Variants in CYP2C19 observed in about 807,000 individuals in gnomAD.
CYP2C19 encodes the protein cytochrome P450 2C19.
CYP2C19 carries 59 observed loss-of-function variants against 40.9 expected under a neutral mutation model. That is an observed-to-expected ratio of 1.44 (90% CI 1.17 to 1.79). The LOEUF (loss-of-function observed/expected upper bound fraction) is 1.79. Among genes scored for constraint, CYP2C19 ranks in the 40% most tolerant of loss-of-function variants. CYP2C19 has a pLI of 0.00. For synonymous variants in CYP2C19, 253 were observed against 208.7 expected (o/e 1.21, Z -1.83); for missense variants, 754 against 596.9 (o/e 1.26, Z -2.74).
intron 5 of CYP2C19, among the ~76,000 whole-genome samples, chr10:94,813,928 A>G (rs1209995606): frequency 6.6e-6 from 1 of 150,768 alleles, no homozygotes; most frequent in Middle Eastern, 3.4e-3. Context: ...CTCTGAAGGG[A>G]ATCTTCTGGT....
At chr10:94,810,547 G>T (rs1848904944) in intron 5 of CYP2C19, among the ~76,000 whole-genome samples, 1 of 151,836 alleles carries the variant, frequency 6.6e-6, no homozygotes, top group Non-Finnish European at 1.5e-5. Flanking sequence ...GCTATTCCTT[G>T]CTGCCTCAAT....
At chr10:94,830,680 C>A (rs1345394356) in intron 6 of CYP2C19, among the ~76,000 whole-genome samples, 1 of 152,170 alleles carries the variant, frequency 6.6e-6, no homozygotes. Context: ...TTGCTCCTCC[C>A]CACATTTCAT....
chr10:94,812,560 G>T (rs1050647133), intron 5 of CYP2C19, among the ~76,000 whole-genome samples: 10 of 152,042 alleles, frequency 6.6e-5, no homozygotes, highest in Non-Finnish European at 7.4e-5. Context: ...TTTCTTGGAG[G>T]CTATGTTCAT....
intron 3 of CYP2C19, among the ~76,000 whole-genome samples, chr10:94,779,561 CTTTTCT>C (rs1445375221): frequency 6.8e-6 from 1 of 147,092 alleles, no homozygotes; most frequent in African/African-American, 2.5e-5. Flanking sequence ...TTTTTCTTTT[CTTTTCT>C]TTTTTTTTTT....
chr10:94,791,737 G>A (rs566700461), intron 5 of CYP2C19, among the ~76,000 whole-genome samples: 1 of 152,180 alleles, frequency 6.6e-6, no homozygotes, highest in Non-Finnish European at 1.5e-5. Flanking sequence ...GAGACAGTTT[G>A]TTATAATTTC....
Position 94,850,061 on chromosome 10 carries a change from A to G in CYP2C19, c.1291+3A>G. 1 of 1,613,248 alleles carries G rather than the reference A, an allele frequency of 6.2e-7. No individual in the cohort carries two copies. Among genetic ancestry groups the G allele is most frequent in the Non-Finnish European group, 8.5e-7 (1 of 1,179,406 alleles). ...CTACTTCATGCCTTTCTCAGCAGGTAATATAAATTTATTTCCCTTTGTGTT... is the reference window on the plus strand; with the variant it reads ...CTACTTCATGCCTTTCTCAGCAGGTGATATAAATTTATTTCCCTTTGTGTT... On this transcript the variant is annotated splice_donor_region_variant and intron_variant, in intron 8 of 8. Coordinates refer to ENST00000371321, the MANE Select transcript of CYP2C19 (RefSeq NM_000769.4).
chr10:94,822,928 G>GT (rs894444955), intron 6 of CYP2C19, among the ~76,000 whole-genome samples: 5 of 148,966 alleles, frequency 3.4e-5, no homozygotes, highest in African/African-American at 1.2e-4. Context: ...TTTTTTTTTT[G>GT]TTTTTTGCTT....
At chr10:94,804,181 G>A (rs1243597289) in intron 5 of CYP2C19, among the ~76,000 whole-genome samples, 3 of 152,106 alleles carry the variant, frequency 2.0e-5, no homozygotes, top group Non-Finnish European at 2.9e-5. Context: ...AAAGGCTGAG[G>A]CACCAAGCAA....
intron 5 of CYP2C19, among the ~76,000 whole-genome samples, chr10:94,811,788 G>T (rs1848928786): frequency 1.3e-5 from 2 of 151,800 alleles, no homozygotes; most frequent in South Asian, 4.2e-4. Context: ...CGTGAGATAG[G>T]TCTCCTGAAT....
At chr10:94,768,793 T>A (rs571271844) in intron 1 of CYP2C19, among the ~76,000 whole-genome samples, 1 of 152,120 alleles carries the variant, frequency 6.6e-6, no homozygotes, top group Non-Finnish European at 1.5e-5. Context: ...CCAAGAGGTA[T>A]CCCTGCTCTC....
intron 6 of CYP2C19, among the ~76,000 whole-genome samples, chr10:94,824,341 TATA>T (rs1387207425): frequency 2.6e-5 from 4 of 152,148 alleles, no homozygotes; most frequent in Admixed American, 2.0e-4. Flanking sequence ...AATTATTAAA[TATA>T]ATCTACAAAA....
rs946521504 is a variant in CYP2C19 at position 94,855,512 on chromosome 10, G to A, written c.*2598G>A. 1.3e-5 allele frequency among the ~76,000 whole-genome samples: 2 copies of A among 152,172 alleles called. No individual in the cohort carries two copies. Among genetic ancestry groups the A allele is most frequent in the African/African-American group, 4.8e-5 (2 of 41,436 alleles). On this transcript the variant is annotated 3_prime_UTR_variant, in exon 9 of 9. Coordinates refer to ENST00000371321, the MANE Select transcript of CYP2C19 (RefSeq NM_000769.4). ...ATGAATACCAGCCACCTGAAACACT[G>A]TTTAGAAGATACTGGCTCAATAAAT... is the stretch of plus-strand genomic sequence containing the variant.
chr10:94,827,931 C>A (rs1395628621), intron 6 of CYP2C19, among the ~76,000 whole-genome samples: 2 of 151,826 alleles, frequency 1.3e-5, no homozygotes, highest in East Asian at 3.9e-4. Flanking sequence ...ACCCAGTAGT[C>A]ATTCAGGAGC....
At chr10:94,777,957 A>G (rs1427700643) in intron 3 of CYP2C19, among the ~76,000 whole-genome samples, 1 of 151,370 alleles carries the variant, frequency 6.6e-6, no homozygotes, top group Non-Finnish European at 1.5e-5. Context: ...AGAAAAAAAG[A>G]AAACAACAAC....
At position 94,800,529 on chromosome 10, in the gene CYP2C19, A is replaced by G. The variant is rs118174575; in HGVS notation, c.819+18532A>G. On this transcript the variant is annotated intron_variant, in intron 5 of 8. Transcript: ENST00000371321. ...TGTCTGTTCTCAGAGCTCAAACGCCATGGTGGGAGAAGCACTGCTCTCTTC... is the reference window on the plus strand; with the variant it reads ...TGTCTGTTCTCAGAGCTCAAACGCCGTGGTGGGAGAAGCACTGCTCTCTTC... Among the ~76,000 whole-genome samples the G allele has an allele frequency of 8.4e-3, 1,278 of 152,330 alleles. 23 individuals carry two copies. Among genetic ancestry groups the G allele is most frequent in the East Asian group, 0.062 (318 of 5,162 alleles).
intron 6 of CYP2C19, among the ~76,000 whole-genome samples, chr10:94,839,004 G>A (rs1849448532): frequency 6.6e-6 from 1 of 152,094 alleles, no homozygotes; most frequent in African/African-American, 2.4e-5. Flanking sequence ...TCTTAGGGGT[G>A]TTTTTGCCTT....
intron 6 of CYP2C19, among the ~76,000 whole-genome samples, chr10:94,827,542 T>A (rs1003207696): frequency 2.6e-5 from 4 of 152,152 alleles, no homozygotes; most frequent in African/African-American, 9.7e-5. Context: ...GTCTATTTGA[T>A]TCTTCTCTCT....
intron 6 of CYP2C19, among the ~76,000 whole-genome samples, chr10:94,833,929 A>G (rs1264598250): frequency 2.0e-5 from 3 of 152,144 alleles, no homozygotes; most frequent in Non-Finnish European, 2.9e-5. Context: ...TTGTTGCATC[A>G]GTATTCATCA....
At chr10:94,799,229 C>G (rs1224452337) in intron 5 of CYP2C19, among the ~76,000 whole-genome samples, 2 of 152,010 alleles carry the variant, frequency 1.3e-5, no homozygotes, top group Admixed American at 6.6e-5. Context: ...ATTTGCTTGT[C>G]TATAAAGGAT....
Sources: gnomAD v4.1 joint callset for allele counts (sites outside exome capture counted in the v4.1 genomes callset) on GRCh38, gnomAD v4.1.1 for gene constraint, MANE v1.5 for transcripts, NCBI Gene and HGNC (gene_info 2026-07-23, HGNC 2026-07-21) for gene names.